Variants in ITPR1 observed in about 807,000 individuals in gnomAD.
The protein encoded by ITPR1 is inositol 1,4,5-trisphosphate receptor type 1, also known as inositol 1,4,5-trisphosphate-gated calcium channel ITPR1.
ITPR1 carries 96 observed loss-of-function variants against 318.4 expected under a neutral mutation model. The observed-to-expected ratio is 0.30, with a 90% CI of 0.26 to 0.36. The LOEUF is 0.36. Among genes scored for constraint, ITPR1 ranks in the 10% least tolerant of loss-of-function variants. The pLI is 1.00. For missense variants in ITPR1, 2,440 were observed against 3,460.2 expected (o/e 0.71, Z 7.40); for synonymous variants, 1,312 against 1,289.9 (o/e 1.02, Z -0.37).
At position 4,800,804 on chromosome 3, in the gene ITPR1, G is replaced by C. The variant is rs2291861; in HGVS notation, c.7107+204G>C. Among the ~76,000 whole-genome samples the C allele has an allele frequency of 1.8e-4, 27 of 152,134 alleles. No homozygotes were observed. The East Asian group carries it at 5.2e-3, about 29-fold the overall frequency. ...GCGTGGTGCAGTGAGCCTTGTAATG[G>C]ATCCCTTGGGCATCAGCACTTTCAC... On this transcript the variant is annotated intron_variant, in intron 54 of 61. Coordinates refer to ENST00000649015, the MANE Select transcript of ITPR1 (RefSeq NM_001378452.1).
chr3:4,698,001 C>T (rs573352587), intron 34 of ITPR1, among the ~76,000 whole-genome samples: 54 of 152,302 alleles, frequency 3.5e-4, no homozygotes, highest in African/African-American at 1.2e-3. Flanking sequence ...CTCTTCACTT[C>T]CATTTACTGC....
chr3:4,699,461 G>A (rs2094609331), intron 34 of ITPR1, among the ~76,000 whole-genome samples: 2 of 152,292 alleles, frequency 1.3e-5, no homozygotes, highest in African/African-American at 4.8e-5. Flanking sequence ...GGATTACTCA[G>A]GAGAGCAGTT....
chr3:4,681,580 G>A (rs989146925), intron 26 of ITPR1, among the ~76,000 whole-genome samples, 162 bp downstream of exon 26: 1 of 149,800 alleles, frequency 6.7e-6, no homozygotes. Flanking sequence ...AACTTGGTTG[G>A]CTTGATTGGG....
intron 4 of ITPR1, among the ~76,000 whole-genome samples, chr3:4,621,423 CCATT>C (rs1176133287): frequency 6.6e-6 from 1 of 152,182 alleles, no homozygotes; most frequent in African/African-American, 2.4e-5. Context: ...TGGTTCTAAA[CCATT>C]CATGAGAAAT....
intron 2 of ITPR1, among the ~76,000 whole-genome samples, chr3:4,503,789 CTTT>C (rs1161532380): frequency 6.6e-6 from 1 of 152,134 alleles, no homozygotes; most frequent in Non-Finnish European, 1.5e-5. Flanking sequence ...CTTGGTGAGA[CTTT>C]TGTCTCTCTC....
intron 44 of ITPR1, among the ~76,000 whole-genome samples, chr3:4,745,079 TTC>T (rs1289794411): frequency 6.7e-6 from 1 of 148,582 alleles, no homozygotes; most frequent in Admixed American, 6.7e-5. Context: ...TTTTCTTTCT[TTC>T]TCTCTCTTTC....
At chr3:4,758,478 G>C (rs535816555) in intron 44 of ITPR1, among the ~76,000 whole-genome samples, 29 of 152,344 alleles carry the variant, frequency 1.9e-4, no homozygotes, top group African/African-American at 7.0e-4. Context: ...GAAACGGACA[G>C]GTAGGCTGGC....
chr3:4,844,264 G>A (rs2051587890), intron 61 of ITPR1, among the ~76,000 whole-genome samples: 1 of 151,916 alleles, frequency 6.6e-6, no homozygotes. Flanking sequence ...TGGGACTACA[G>A]GTGCACGCTA....
chr3:4,661,993 C>T (rs1350035949), intron 14 of ITPR1, 89 bp from the exon 15 acceptor site: 1 of 1,126,158 alleles, frequency 8.9e-7, no homozygotes, highest in Non-Finnish European at 1.3e-6. Context: ...ATCTTGGGAT[C>T]AGCCAGTGTC....
At position 4,803,308 on chromosome 3, in the gene ITPR1, C is replaced by T. The variant is rs923224529; in HGVS notation, c.7107+2708C>T. On this transcript the variant is annotated intron_variant, in intron 54 of 61. Transcript: ENST00000649015. ...GGGACACAGAACCAAACCATACTGC[C>T]ACTCTGGGTCCCTTTTTCAGACAAA... 7.9e-5 allele frequency among the ~76,000 whole-genome samples: 12 copies of T among 152,266 alleles called. 4 individuals carry two copies.
At chr3:4,646,888 T>A (rs2093470414) in intron 10 of ITPR1, among the ~76,000 whole-genome samples, 2 of 152,098 alleles carry the variant, frequency 1.3e-5, no homozygotes, top group African/African-American at 4.8e-5. Flanking sequence ...CTTTTCCTCC[T>A]CCCTAGCTTC....
At chr3:4,815,305 G>C in intron 59 of ITPR1, 87 bp downstream of exon 59, 2 of 1,334,688 alleles carry the variant, frequency 1.5e-6, no homozygotes, top group Non-Finnish European at 2.1e-6. Flanking sequence ...GATGGGCGGG[G>C]TGCCTGCCCA....
intron 60 of ITPR1, among the ~76,000 whole-genome samples, chr3:4,832,427 G>A (rs191320310): frequency 3.3e-5 from 5 of 152,282 alleles, no homozygotes; most frequent in Admixed American, 2.0e-4. Context: ...GGAGGTGGTG[G>A]TTGGATCACC....
chr3:4,711,464 A>G, intron 38 of ITPR1: 1 of 281,096 alleles, frequency 3.6e-6, no homozygotes, highest in African/African-American at 2.2e-5. Context: ...ATAAACGAGC[A>G]GGTCTGAGTG....
intron 4 of ITPR1, among the ~76,000 whole-genome samples, chr3:4,625,491 T>C (rs1026761915): frequency 7.2e-5 from 11 of 152,216 alleles, no homozygotes; most frequent in African/African-American, 2.7e-4. Context: ...CCTTAAATGC[T>C]TGTCCAGACC....
At chr3:4,806,731 A>C (rs192784562) in intron 55 of ITPR1, among the ~76,000 whole-genome samples, 1 of 152,246 alleles carries the variant, frequency 6.6e-6, no homozygotes, top group African/African-American at 2.4e-5. Flanking sequence ...TCATGAGCTC[A>C]GTAGATTTAT....
At position 4,699,845 on chromosome 3, in the gene ITPR1, A is replaced by T. The variant is rs766574191; in HGVS notation, c.4440A>T (p.Ala1480=). The part of the protein sequence containing the change: ...ACNNTSDRKH[A]DSILEKYVTE... Reference sequence around the variant, plus strand: ...ACAACACTAGTGACAGGAAACATGCAGACTCGATTTTGGAGAAGTATGTCA... The same window carrying T: ...ACAACACTAGTGACAGGAAACATGCTGACTCGATTTTGGAGAAGTATGTCA... Residue 1480 remains alanine, a synonymous_variant, in exon 35 of 62, where the codon GCA becomes GCT. Coordinates refer to ENST00000649015, the MANE Select transcript of ITPR1 (RefSeq NM_001378452.1). 4.0e-5 allele frequency: 65 copies of T among 1,613,822 alleles called. 2 individuals carry two copies. The South Asian group carries it at 7.0e-4, about 17-fold the overall frequency.
intron 33 of ITPR1, among the ~76,000 whole-genome samples, chr3:4,695,284 A>T (rs1286994793): frequency 6.6e-6 from 1 of 152,268 alleles, no homozygotes; most frequent in African/African-American, 2.4e-5. Context: ...GGTCATTTCA[A>T]CATAGTTTTA....
chr3:4,810,543 C>G (rs1229710782), intron 55 of ITPR1, among the ~76,000 whole-genome samples: 1 of 152,228 alleles, frequency 6.6e-6, no homozygotes, highest in Non-Finnish European at 1.5e-5. Context: ...ACTAATGTCC[C>G]TGCGATACAC....
Sources: gnomAD v4.1 joint callset for allele counts (sites outside exome capture counted in the v4.1 genomes callset) on GRCh38, gnomAD v4.1.1 for gene constraint, MANE v1.5 for transcripts, NCBI Gene and HGNC (gene_info 2026-07-23, HGNC 2026-07-21) for gene names.